The following VAV1 variants were observed in gnomAD, a reference collection of about 807,000 sequenced individuals.
VAV1 encodes the protein proto-oncogene vav.
A neutral mutation model predicts 128.1 loss-of-function variants in VAV1; 33 were observed. The ratio of observed to expected loss-of-function variants is 0.26; its 90% CI spans 0.20 to 0.34. VAV1 has a LOEUF of 0.34. Among genes scored for constraint, VAV1 ranks in the 10% least tolerant of loss-of-function variants. VAV1 has a pLI of 1.00. For missense variants in VAV1, 715 were observed against 1,093.7 expected, an observed-to-expected ratio of 0.65 and a Z score of 4.88; for synonymous variants, 394 against 409.8, an observed-to-expected ratio of 0.96 and a Z score of 0.47.
At chr19:6,824,535 T>A (rs1404315041) in intron 6 of VAV1, among the ~76,000 whole-genome samples, 1 of 151,838 alleles carries the variant, frequency 6.6e-6, no homozygotes, top group Non-Finnish European at 1.5e-5. Context: ...GGACCACATT[T>A]TTTTTTTCTT....
rs1555697586 is a variant in VAV1, at chr19:6,776,353, T to TATTC, written c.204+3344_204+3345insTCAT. Among the ~76,000 whole-genome samples, 4 of 72,762 alleles carry TATTC rather than the reference T, an allele frequency of 5.5e-5. No individual in the cohort carries two copies. In the East Asian group the frequency reaches 2.4e-3, roughly 43 times the overall value. 47.7% of individuals were successfully genotyped at this position (72,762 alleles called of 152,430 possible). ...TCATCCATTCATCCATCCACTCATC[T>TATTC]ATCCATCCATCCATCCATCCATCCA... On this transcript the variant is annotated intron_variant, in intron 1 of 26. Transcript: ENST00000602142.
chr19:6,847,241 G>A (rs929843254), intron 22 of VAV1, among the ~76,000 whole-genome samples: 3 of 152,038 alleles, frequency 2.0e-5, no homozygotes, highest in African/African-American at 4.8e-5. Context: ...GCAATACTGC[G>A]CCGCCATCAC....
At chr19:6,788,350 T>TTTA (rs148778427) in intron 1 of VAV1, among the ~76,000 whole-genome samples, 1,587 of 141,964 alleles carry the variant, frequency 0.011, 13 homozygotes, top group Admixed American at 0.027. Flanking sequence ...TTCTTTTTAT[T>TTTA]TTATTATTAT....
chr19:6,775,592 G>A (rs1303497401), intron 1 of VAV1, among the ~76,000 whole-genome samples: 1 of 152,152 alleles, frequency 6.6e-6, no homozygotes, highest in Admixed American at 6.6e-5. Context: ...TCCAGGCTGG[G>A]CATCGGTGTA....
At chr19:6,795,664 C>A (rs1460561916) in intron 1 of VAV1, among the ~76,000 whole-genome samples, 1 of 151,762 alleles carries the variant, frequency 6.6e-6, no homozygotes, top group Non-Finnish European at 1.5e-5. Context: ...GGGGTTTAGT[C>A]CACTCTTTTT....
At chr19:6,844,350 G>A (rs1972463400) in intron 22 of VAV1, among the ~76,000 whole-genome samples, 1 of 151,436 alleles carries the variant, frequency 6.6e-6, no homozygotes, top group South Asian at 2.1e-4. Context: ...TCCCGAGCTG[G>A]GATTACAGGC....
intron 6 of VAV1, among the ~76,000 whole-genome samples, chr19:6,823,076 A>G (rs1343540180): frequency 6.7e-6 from 1 of 148,618 alleles, no homozygotes; most frequent in Non-Finnish European, 1.5e-5. Context: ...ATGTAGATAT[A>G]TATACCTTTA....
At chr19:6,778,778 C>T (rs994075418) in intron 1 of VAV1, among the ~76,000 whole-genome samples, 5 of 151,918 alleles carry the variant, frequency 3.3e-5, no homozygotes, top group African/African-American at 1.2e-4. Context: ...TGTGGTGGCT[C>T]GTGCCTGTAA....
Position 6,828,319 on chromosome 19 carries a change from G to A in VAV1, c.1024-100G>A. On this transcript the variant is annotated intron_variant, in intron 10 of 26. Transcript: ENST00000602142. The surrounding 1 kb of genome is among the most constrained non-coding windows in gnomAD (Gnocchi z 4.5). ...CATGTCTCAGCCTCCAGGGTCAGCA[G>A]TACGATGGAGGAGCTGGTGAGCTAG... 1 of 1,543,496 alleles carries A rather than the reference G, an allele frequency of 6.5e-7. No homozygotes were observed. The highest frequency in any genetic ancestry group is 8.9e-7 in the Non-Finnish European group (1 of 1,123,054).
intron 13 of VAV1, among the ~76,000 whole-genome samples, 193 bp downstream of exon 13, chr19:6,829,093 G>T (rs1971991755): frequency 6.6e-6 from 1 of 150,982 alleles, no homozygotes; most frequent in Non-Finnish European, 1.5e-5. Flanking sequence ...GCAGAGCCAG[G>T]CTTCTAGATA....
chr19:6,825,021 T>C (rs12979659), intron 6 of VAV1, 32 bp from the exon 7 acceptor site: 577,575 of 1,611,168 alleles, frequency 0.36, 107,635 homozygotes, highest in East Asian at 0.42. Context: ...GGGAATCTTA[T>C]CTTCCGTCAT....
chr19:6,832,120 C>T lies in VAV1; in HGVS notation c.1428C>T (p.Asp476=), dbSNP rs377250529. The change falls in exon 15 of 27, where the codon GAC becomes GAT. Residue 476 remains aspartate (D), a synonymous_variant. Coordinates refer to ENST00000602142, the MANE Select transcript of VAV1 (RefSeq NM_005428.4). ...KWSHMFLLIE[D]QGAQGYELFF... ...GCCACATGTTCCTCCTGATCGAGGA[C>T]CAAGGTGCCCAGGGCTATGAGCTGT... 7 of 1,613,980 alleles carry T rather than the reference C, an allele frequency of 4.3e-6. No individual in the cohort carries two copies. The highest frequency in any genetic ancestry group is 1.3e-5 in the African/African-American group (1 of 74,914).
At position 6,804,052 on chromosome 19, in the gene VAV1, A is replaced by C. The variant is rs573567026; in HGVS notation, c.205-16650A>C. Among the ~76,000 whole-genome samples, 4 of 152,252 alleles carry C rather than the reference A, an allele frequency of 2.6e-5. No individual in the cohort carries two copies. The East Asian group carries it at 7.7e-4, about 29-fold the overall frequency. Reference sequence around the variant, plus strand: ...AAACTGTAGAAGCAGTAAAAAGATCAGTAGTTGTCAGAGGTTAGTGGAAAG... The same window carrying C: ...AAACTGTAGAAGCAGTAAAAAGATCCGTAGTTGTCAGAGGTTAGTGGAAAG... On this transcript the variant is annotated intron_variant, in intron 1 of 26. Transcript: ENST00000602142.
chr19:6,852,058 G>A (rs1972683056), intron 24 of VAV1, among the ~76,000 whole-genome samples: 1 of 152,162 alleles, frequency 6.6e-6, no homozygotes, highest in Non-Finnish European at 1.5e-5. Context: ...CTGTGGCCCA[G>A]GCTAGAGTGC....
chr19:6,845,713 C>T (rs1337333474), intron 22 of VAV1, among the ~76,000 whole-genome samples: 1 of 148,338 alleles, frequency 6.7e-6, no homozygotes, highest in Non-Finnish European at 1.5e-5. Context: ...TTATATTATA[C>T]CATACACAAT....
In VAV1 at chr19:6,836,499, C is replaced by G; in HGVS notation, c.1845C>G (p.Pro615=). ...CTCCACCCCCTGGAGCCATTGGACC[C>G]TTTCTACGGCTCAACCCTGGAGACA... The part of the protein sequence containing the change: ...GLPPPPGAIG[P]FLRLNPGDIV... Residue 615 remains proline (P), a synonymous_variant, in exon 20 of 27, where the codon CCC becomes CCG. Coordinates refer to ENST00000602142, the MANE Select transcript of VAV1 (RefSeq NM_005428.4). 6.2e-7 allele frequency: 1 copy of G among 1,614,088 alleles called. No individual in the cohort carries two copies. Among genetic ancestry groups the G allele is most frequent in the African/African-American group, 1.3e-5 (1 of 75,010 alleles).
chr19:6,777,976 G>T lies in VAV1; in HGVS notation c.204+4965G>T, dbSNP rs1007937706. ...CCACCACGCCTGGCTAATTTCTGTT[G>T]CCCAGGCTGGAGTACAGTGGCATGA... is the stretch of plus-strand genomic sequence containing the variant. On this transcript the variant is annotated intron_variant, in intron 1 of 26. Coordinates refer to ENST00000602142, the MANE Select transcript of VAV1 (RefSeq NM_005428.4). The surrounding 1 kb of genome is among the most constrained non-coding windows in gnomAD (Gnocchi z 4.4). Among the ~76,000 whole-genome samples, 1 of 151,318 alleles carries T rather than the reference G, an allele frequency of 6.6e-6. No homozygotes were observed. Among genetic ancestry groups the T allele is most frequent in the South Asian group, 2.1e-4 (1 of 4,778 alleles).
In VAV1 at chr19:6,833,248, G is replaced by A. The variant is rs1384346863; in HGVS notation, c.1573G>A (p.Glu525Lys). ...GHDFQMFSFE[E>K]TTSCKACQML... ...TGACTTCCAGATGTTCTCCTTTGAGGAGACCACATCCTGCAAGGCCTGTCA... is the reference window on the plus strand; with the variant it reads ...TGACTTCCAGATGTTCTCCTTTGAGAAGACCACATCCTGCAAGGCCTGTCA... Residue 525 changes from glutamate (E) to lysine (K), a missense_variant, in exon 16 of 27, where the codon GAG becomes AAG. Transcript: ENST00000602142. The A allele has an allele frequency of 1.2e-6, 2 of 1,613,572 alleles. No homozygotes were observed. Among genetic ancestry groups the A allele is most frequent in the Non-Finnish European group, 1.7e-6 (2 of 1,179,924 alleles).
chr19:6,813,951 T>C (rs941814569), intron 1 of VAV1, among the ~76,000 whole-genome samples: 4 of 152,032 alleles, frequency 2.6e-5, no homozygotes, highest in African/African-American at 9.7e-5. Context: ...TCCCAGCTAC[T>C]TGGGAGACTG....
Sources: allele counts gnomAD v4.1 joint callset (sites outside exome capture counted in the v4.1 genomes callset), GRCh38; gene constraint gnomAD v4.1.1; non-coding constraint Gnocchi (gnomAD v3.1); transcripts MANE v1.5; gene names NCBI Gene and HGNC (gene_info 2026-07-23, HGNC 2026-07-21).